CEP295NL: variants seen among roughly 807,000 people sequenced by gnomAD.
CEP295NL encodes protein DDC8 homolog.
CEP295NL carries 3 observed loss-of-function variants against 4.6 expected under a neutral mutation model. That is an observed-to-expected ratio of 0.65 (90% CI 0.30 to 1.69). CEP295NL has a LOEUF of 1.69. CEP295NL is among the 40% of genes most tolerant of loss of function. The pLI, the probability that CEP295NL is intolerant of heterozygous loss-of-function variation, is 0.10. For synonymous variants in CEP295NL, 295 were observed against 312.2 expected (o/e 0.94, Z 0.58); for missense variants, 719 against 769.0 (o/e 0.93, Z 0.77).
chr17:78,895,969 T>C (rs1250270155), intron 2 of CEP295NL, among the ~76,000 whole-genome samples: 1 of 152,244 alleles, frequency 6.6e-6, no homozygotes. Context: ...GTGCACCCCG[T>C]GCCAGCCCCA....
chr17:78,897,249 C>A (rs867302622), intron 2 of CEP295NL: 1 of 152,396 alleles, frequency 6.6e-6, no homozygotes, highest in African/African-American at 2.4e-5. Flanking sequence ...GCCTGCACCC[C>A]GGCTGCAGGA....
rs1028140262 is a variant in CEP295NL, at chr17:78,891,190, C to T, written c.1314G>A (p.Thr438=). Residue 438 remains threonine, a synonymous_variant, in exon 3 of 3, where the codon ACG becomes ACA. Coordinates refer to ENST00000322630, the MANE Select transcript of CEP295NL (RefSeq NM_001243540.2). The surrounding 1 kb of genome is among the most constrained non-coding windows in gnomAD (Gnocchi z 4.5). ...GKAQNQKYQG[T]VKPTFRNGSQ... is the part of the protein sequence containing the mutation. ...TTCCATTTCTAAACGTGGGCTTGAC[C>T]GTGCCCTGATATTTTTGGTTCTGGG... 2.6e-5 allele frequency: 40 copies of T among 1,550,538 alleles called. No individual in the cohort carries two copies. The highest frequency in any genetic ancestry group is 9.6e-5 in the African/African-American group (7 of 73,038).
In CEP295NL at chr17:78,892,306, G is replaced by A. The variant is rs1387985921; in HGVS notation, c.198C>T (p.Ser66=). 4 of 1,550,674 alleles carry A rather than the reference G, an allele frequency of 2.6e-6. No homozygotes were observed. The South Asian group carries it at 3.6e-5, about 14-fold the overall frequency. ...GCAGGTCTTCGTTATCAGGACAGAGGCTCAGCCACATGGCTCCATCCATGT... is the reference window on the plus strand; with the variant it reads ...GCAGGTCTTCGTTATCAGGACAGAGACTCAGCCACATGGCTCCATCCATGT... ...NRNMDGAMWL[S]LCPDNEDLLW... is the part of the protein sequence containing the mutation. Residue 66 remains serine (S), a synonymous_variant, in exon 3 of 3, where the codon AGC becomes AGT. Transcript: ENST00000322630.
rs1427344014 is a variant in CEP295NL at position 78,892,057 on chromosome 17, C to G, written c.447G>C (p.Glu149Asp). The change falls in exon 3 of 3, where the codon GAG (glutamate) becomes GAC (aspartate). Residue 149 changes from glutamate (E) to aspartate (D), a missense_variant. Physicochemically the swap from Glu to Asp is conservative, Grantham distance 45 (BLOSUM62 2). Coordinates refer to ENST00000322630, the MANE Select transcript of CEP295NL (RefSeq NM_001243540.2). Reference sequence around the variant, plus strand: ...GCTGGATGGGCCCCTGCGAGTCAGGCTCATTTTCCCTGGCCCGTCCTCCTC... The same window carrying G: ...GCTGGATGGGCCCCTGCGAGTCAGGGTCATTTTCCCTGGCCCGTCCTCCTC... ...GWGGGRAREN[E>D]PDSQGPIQRR... The G allele has an allele frequency of 5.8e-6, 9 of 1,551,272 alleles. No homozygotes were observed.
chr17:78,894,934 C>T (rs1027533585), intron 2 of CEP295NL, among the ~76,000 whole-genome samples: 1 of 152,120 alleles, frequency 6.6e-6, no homozygotes, highest in African/African-American at 2.4e-5. Flanking sequence ...GAATCCAGAA[C>T]ATATGAACAC....
intron 2 of CEP295NL, chr17:78,899,536 G>A (rs1283528150): frequency 6.6e-6 from 1 of 152,256 alleles, no homozygotes; most frequent in Non-Finnish European, 1.5e-5. Context: ...AATGCAGCCA[G>A]TTCACCAGCT....
At chr17:78,900,421 T>G (rs1330631005) in intron 2 of CEP295NL, among the ~76,000 whole-genome samples, 1 of 151,984 alleles carries the variant, frequency 6.6e-6, no homozygotes, top group African/African-American at 2.4e-5. Context: ...GGTATATGCC[T>G]GTAATCCCAG....
intron 2 of CEP295NL, among the ~76,000 whole-genome samples, chr17:78,895,107 C>A (rs1012232487): frequency 5.3e-5 from 8 of 151,992 alleles, no homozygotes; most frequent in African/African-American, 1.7e-4. Context: ...ATGGTGAAAC[C>A]CCGTCTCTAC....
In CEP295NL at chr17:78,891,646, A is replaced by G; in HGVS notation, c.858T>C (p.Val286=). 6.4e-7 allele frequency: 1 copy of G among 1,550,948 alleles called. No homozygotes were observed. The highest frequency in any genetic ancestry group is 8.7e-7 in the Non-Finnish European group (1 of 1,147,082). Residue 286 remains valine, a synonymous_variant, in exon 3 of 3, where the codon GTT becomes GTC. Coordinates refer to ENST00000322630, the MANE Select transcript of CEP295NL (RefSeq NM_001243540.2). This position sits in a 1 kb window ranked among gnomAD's most constrained non-coding sequence, Gnocchi z 4.5. ...AGRRQLGKGA[V]CFVPALTSRS... is the part of the protein sequence containing the mutation. ...GACTGGTCAGGGCTGGAACAAAGCA[A>G]ACTGCCCCCTTTCCCAGTTGCCTCC... is the stretch of plus-strand genomic sequence containing the variant.
chr17:78,891,476 A>C lies in CEP295NL; in HGVS notation c.1028T>G (p.Leu343Trp), dbSNP rs1288371153. ...TATATTAAACAACTCTTCAAAGGCC[A>C]ACTCCAGCTCTTTCTGCCACTTGTT... ...EKNKWQKELE[L>W]AFEELFNINR... Residue 343 changes from leucine to tryptophan, a missense_variant, in exon 3 of 3, where the codon TTG (leucine) becomes TGG (tryptophan). Physicochemically the swap from Leu to Trp is moderately conservative, Grantham distance 61. Coordinates refer to ENST00000322630, the MANE Select transcript of CEP295NL (RefSeq NM_001243540.2). This position sits in a 1 kb window ranked among gnomAD's most constrained non-coding sequence, Gnocchi z 4.5. 1 of 1,551,154 alleles carries C rather than the reference A, an allele frequency of 6.4e-7. No homozygotes were observed. Among genetic ancestry groups the C allele is most frequent in the South Asian group, 1.2e-5 (1 of 84,056 alleles).
At position 78,890,809 on chromosome 17, in the gene CEP295NL, T is replaced by C. The variant is rs1228836885; in HGVS notation, c.1695A>G (p.Arg565=). Residue 565 remains arginine, a synonymous_variant, in exon 3 of 3, where the codon AGA becomes AGG. Transcript: ENST00000322630. ...SSSTRAQERE[R]GSELSTTSPS... Reference sequence around the variant, plus strand: ...GGGAAGTGGTGCTGAGCTCAGATCCTCTCTCCCTTTCCTGGGCTCTCGTGG... The same window carrying C: ...GGGAAGTGGTGCTGAGCTCAGATCCCCTCTCCCTTTCCTGGGCTCTCGTGG... The C allele has an allele frequency of 5.8e-6, 9 of 1,550,628 alleles. No homozygotes were observed. The highest frequency in any genetic ancestry group is 1.2e-5 in the South Asian group (1 of 84,066).
rs1009471281 is a variant in CEP295NL at position 78,891,230 on chromosome 17, G to A, written c.1274C>T (p.Thr425Met). 8.4e-6 allele frequency: 13 copies of A among 1,550,550 alleles called. No homozygotes were observed. Among genetic ancestry groups the A allele is most frequent in the African/African-American group, 5.5e-5 (4 of 73,042 alleles). Residue 425 changes from threonine (T) to methionine (M), a missense_variant, in exon 3 of 3, where the codon ACG (threonine) becomes ATG (methionine). Coordinates refer to ENST00000322630, the MANE Select transcript of CEP295NL (RefSeq NM_001243540.2). This position sits in a 1 kb window ranked among gnomAD's most constrained non-coding sequence, Gnocchi z 4.5. ...TTGGTTCTGGGCCTTGCCCATGAAC[G>A]TTTTCAAGTCGGTCTTGGACGCTGC... ...QQAASKTDLKTFMGKAQNQKY... is the reference protein window; with the variant it reads ...QQAASKTDLKMFMGKAQNQKY...
intron 2 of CEP295NL, among the ~76,000 whole-genome samples, chr17:78,895,716 G>A (rs1599164673): frequency 2.6e-5 from 4 of 152,214 alleles, no homozygotes; most frequent in Non-Finnish European, 5.9e-5. Flanking sequence ...ACATGGAGGA[G>A]TTGGCCTCAG....
chr17:78,902,586 G>A (rs2070111677), intron 1 of CEP295NL: 1 of 152,442 alleles, frequency 6.6e-6, no homozygotes, highest in South Asian at 2.1e-4. Context: ...GAGATGGTTG[G>A]GCAGGCAGCC....
Position 78,896,759 on chromosome 17 carries a change from G to A in CEP295NL, c.45-4300C>T, listed in dbSNP as rs1373895633. Among the ~76,000 whole-genome samples, 2 of 152,134 alleles carry A rather than the reference G, an allele frequency of 1.3e-5. No homozygotes were observed. The highest frequency in any genetic ancestry group is 4.8e-5 in the African/African-American group (2 of 41,424). On this transcript the variant is annotated intron_variant, in intron 2 of 2. Coordinates refer to ENST00000322630, the MANE Select transcript of CEP295NL (RefSeq NM_001243540.2). This position sits in a 1 kb window ranked among gnomAD's most constrained non-coding sequence, Gnocchi z 4.4. ...CGAGTGGACACCAATCTGGCCTCCG[G>A]ACGGCACCAGGGCCTCCCACAGAGC...
At chr17:78,902,334 C>G (rs1388657058) in intron 1 of CEP295NL, among the ~76,000 whole-genome samples, 1 of 152,230 alleles carries the variant, frequency 6.6e-6, no homozygotes, top group Non-Finnish European at 1.5e-5. Context: ...TTACAAACTC[C>G]TGACCTCAGG....
chr17:78,895,006 T>A (rs1453660666), intron 2 of CEP295NL, among the ~76,000 whole-genome samples: 1 of 151,998 alleles, frequency 6.6e-6, no homozygotes, highest in East Asian at 1.9e-4. Flanking sequence ...GAAGGACAGG[T>A]GTGGCAGCTC....
rs1348095316 is a variant in CEP295NL at position 78,892,175 on chromosome 17, AAGCGCTGG to A, written c.321_328del (p.Gln108GlyfsTer2). 7.1e-6 allele frequency: 11 copies of A among 1,550,942 alleles called. No homozygotes were observed. In the South Asian group the frequency reaches 1.3e-4, roughly 18 times the overall value. On this transcript the variant is annotated frameshift_variant, in exon 3 of 3. Coordinates refer to ENST00000322630, the MANE Select transcript of CEP295NL (RefSeq NM_001243540.2). LOFTEE classifies it low-confidence loss of function (END_TRUNC). Reference sequence around the variant, plus strand: ...ATACCCTCTCCTCAACTCCTCAGCCAAGCGCTGGAGCTGGTAGTTTTTCCACAGCTTGG... The same window carrying A: ...ATACCCTCTCCTCAACTCCTCAGCCAAGCTGGTAGTTTTTCCACAGCTTGG...
chr17:78,892,258 C>A lies in CEP295NL; in HGVS notation c.246G>T (p.Leu82Phe), dbSNP rs953553702. Residue 82 changes from leucine (L) to phenylalanine (F), a missense_variant, in exon 3 of 3, where the codon TTG (leucine) becomes TTT (phenylalanine). By Grantham distance (22) the Leu-to-Phe change is conservative. Transcript: ENST00000322630. ...EDLLWRKKHK[L>F]LQARGKGDLA... ...GATCGCCTTTGCCCCGGGCTTGTAG[C>A]AATTTGTGCTTTTTCCTCCAAAGCA... is the stretch of plus-strand genomic sequence containing the variant. The A allele has an allele frequency of 6.4e-6, 10 of 1,550,892 alleles. No homozygotes were observed. The Admixed American group carries it at 2.0e-4, about 30-fold the overall frequency.
Sources: gnomAD v4.1 joint callset for allele counts (sites outside exome capture counted in the v4.1 genomes callset) on GRCh38, gnomAD v4.1.1 for gene constraint, Gnocchi (gnomAD v3.1) non-coding constraint, MANE v1.5 for transcripts, NCBI Gene and HGNC (gene_info 2026-07-23, HGNC 2026-07-21) for gene names.